The following KCNN3 variants were observed in gnomAD, a reference collection of about 807,000 sequenced individuals.
The protein encoded by KCNN3 is potassium calcium-activated channel subfamily N member 3.
KCNN3 carries 16 observed loss-of-function variants against 62.9 expected under a neutral mutation model. The ratio of observed to expected loss-of-function variants is 0.25; its 90% CI spans 0.17 to 0.39. The LOEUF (loss-of-function observed/expected upper bound fraction) is 0.39, where lower values mean the gene tolerates loss of function less well. Among genes scored for constraint, KCNN3 ranks in the 10% least tolerant of loss-of-function variants. The pLI is 1.00. For missense variants in KCNN3, 599 were observed against 949.4 expected (o/e 0.63, Z 4.85); for synonymous variants, 370 against 389.2 (o/e 0.95, Z 0.58).
chr1:154,861,477 C>T (rs1652770725), intron 1 of KCNN3, among the ~76,000 whole-genome samples: 2 of 152,166 alleles, frequency 1.3e-5, no homozygotes, highest in South Asian at 2.1e-4. Flanking sequence ...GTGCACCACA[C>T]GGCAGCAACC....
chr1:154,818,468 C>G (rs577203432), intron 2 of KCNN3, among the ~76,000 whole-genome samples: 5 of 152,310 alleles, frequency 3.3e-5, no homozygotes, highest in Admixed American at 3.3e-4. Context: ...TTAAACGTGT[C>G]CCCTCCAAAA....
chr1:154,823,242 AG>A (rs1406892439), intron 1 of KCNN3, among the ~76,000 whole-genome samples: 2 of 152,202 alleles, frequency 1.3e-5, no homozygotes, highest in Non-Finnish European at 2.9e-5. Flanking sequence ...TTCCAAAGGA[AG>A]GCGGGAACAC....
intron 1 of KCNN3, among the ~76,000 whole-genome samples, chr1:154,832,100 G>A (rs1383620085): frequency 1.3e-5 from 2 of 151,910 alleles, no homozygotes; most frequent in African/African-American, 4.8e-5. Flanking sequence ...ACCGGTCCCT[G>A]AATTCATCTG....
At chr1:154,728,634 A>C (rs1700523230) in intron 4 of KCNN3, among the ~76,000 whole-genome samples, 1 of 148,436 alleles carries the variant, frequency 6.7e-6, no homozygotes, top group African/African-American at 2.6e-5. Context: ...AGGGGAGGAG[A>C]GAGGAGAAAA....
intron 1 of KCNN3, among the ~76,000 whole-genome samples, chr1:154,834,193 T>G (rs1409261332): frequency 6.6e-6 from 1 of 152,172 alleles, no homozygotes; most frequent in African/African-American, 2.4e-5. Flanking sequence ...CTGCCTACCT[T>G]TTACTTTGAG....
chr1:154,800,590 AC>A (rs892125726), intron 2 of KCNN3, among the ~76,000 whole-genome samples: 7 of 151,932 alleles, frequency 4.6e-5, no homozygotes, highest in South Asian at 2.1e-4. Flanking sequence ...AGCAGACACC[AC>A]CCCACCCTGA....
At chr1:154,848,695 G>A (rs1321372569) in intron 1 of KCNN3, among the ~76,000 whole-genome samples, 1 of 152,118 alleles carries the variant, frequency 6.6e-6, no homozygotes, top group Non-Finnish European at 1.5e-5. Context: ...CCCTACTGTT[G>A]CCTCGGCTCA....
intron 2 of KCNN3, among the ~76,000 whole-genome samples, chr1:154,815,864 G>C (rs1029356911): frequency 6.6e-6 from 1 of 152,242 alleles, no homozygotes; most frequent in Non-Finnish European, 1.5e-5. Context: ...TTCTTTCAGG[G>C]GAAGACACCA....
rs151093203 is a variant in KCNN3, at chr1:154,792,556, T to C, written c.1030-20163A>G. On this transcript the variant is annotated intron_variant, in intron 2 of 7. Coordinates refer to ENST00000271915, the MANE Select transcript of KCNN3 (RefSeq NM_002249.6). ...TTTCTCTTTAAAAGGAAAAGGAATT[T>C]GCATGTTTTGTTATGGCCATCCCTT... 4.6e-5 allele frequency among the ~76,000 whole-genome samples: 7 copies of C among 152,358 alleles called. No individual in the cohort carries two copies. In the East Asian group the frequency reaches 1.2e-3, roughly 25 times the overall value.
At chr1:154,860,677 A>G (rs905529616) in intron 1 of KCNN3, among the ~76,000 whole-genome samples, 17 of 152,204 alleles carry the variant, frequency 1.1e-4, no homozygotes, top group Non-Finnish European at 1.5e-5. Flanking sequence ...GAAAAGGGGC[A>G]TGTTCCACAC....
chr1:154,809,000 A>T (rs1400570052), intron 2 of KCNN3, among the ~76,000 whole-genome samples: 1 of 152,080 alleles, frequency 6.6e-6, no homozygotes, highest in African/African-American at 2.4e-5. Flanking sequence ...CGCCCACTGG[A>T]TGGCTCCGCC....
At chr1:154,761,016 C>T (rs981146048) in intron 3 of KCNN3, among the ~76,000 whole-genome samples, 3 of 152,228 alleles carry the variant, frequency 2.0e-5, no homozygotes, top group Admixed American at 2.0e-4. Flanking sequence ...CTTTCCACCC[C>T]GCGTTGATGT....
intron 3 of KCNN3, chr1:154,736,937 G>A (rs552717767): frequency 5.0e-5 from 34 of 674,916 alleles, no homozygotes; most frequent in South Asian, 3.6e-4. Context: ...TTCAGTGATC[G>A]CTTCTCTGGT....
At chr1:154,736,937 G>C in intron 3 of KCNN3, 1 of 674,920 alleles carries the variant, frequency 1.5e-6, no homozygotes, top group Non-Finnish European at 2.7e-6. Context: ...TTCAGTGATC[G>C]CTTCTCTGGT....
At chr1:154,746,487 C>T (rs1209636680) in intron 3 of KCNN3, among the ~76,000 whole-genome samples, 1 of 152,140 alleles carries the variant, frequency 6.6e-6, no homozygotes, top group Non-Finnish European at 1.5e-5. Context: ...GCACAGCTGG[C>T]CTGCACTGTT....
intron 2 of KCNN3, among the ~76,000 whole-genome samples, chr1:154,784,058 C>T (rs1273102541): frequency 1.3e-5 from 2 of 152,088 alleles, no homozygotes; most frequent in Non-Finnish European, 2.9e-5. Context: ...GTTTCCAAGC[C>T]CCCAGAGACC....
chr1:154,839,424 A>G (rs1202403428), intron 1 of KCNN3, among the ~76,000 whole-genome samples: 1 of 152,232 alleles, frequency 6.6e-6, no homozygotes, highest in Admixed American at 6.5e-5. Context: ...TGTACAAAAT[A>G]CAAACAAGAT....
At chr1:154,745,831 A>T (rs1700925648) in intron 3 of KCNN3, among the ~76,000 whole-genome samples, 1 of 152,210 alleles carries the variant, frequency 6.6e-6, no homozygotes. Flanking sequence ...AATGCATGAA[A>T]ATGGAGAAAA....
At chr1:154,730,362 TC>T (rs938418066) in intron 4 of KCNN3, among the ~76,000 whole-genome samples, 2 of 152,204 alleles carry the variant, frequency 1.3e-5, no homozygotes, top group Non-Finnish European at 2.9e-5. Flanking sequence ...CACACACAAA[TC>T]CTTCCTTTCC....
Sources: gnomAD v4.1 joint callset for allele counts (sites outside exome capture counted in the v4.1 genomes callset) on GRCh38, gnomAD v4.1.1 for gene constraint, MANE v1.5 for transcripts, NCBI Gene and HGNC (gene_info 2026-07-23, HGNC 2026-07-21) for gene names.